The following PALM2AKAP2 variants were observed in gnomAD, a reference collection of about 807,000 sequenced individuals.
PALM2AKAP2 encodes PALM2-AKAP2 fusion protein.
Under a neutral mutation model 71.5 loss-of-function variants are expected in PALM2AKAP2, and 37 were observed. The ratio of observed to expected loss-of-function variants is 0.52; its 90% CI spans 0.40 to 0.68. The LOEUF (loss-of-function observed/expected upper bound fraction) is 0.68, where lower values mean the gene tolerates loss of function less well. Ranked by LOEUF, PALM2AKAP2 falls within the 30% of genes least tolerant of loss-of-function variation. The pLI, the probability that PALM2AKAP2 is intolerant of heterozygous loss-of-function variation, is 0.00. For missense variants in PALM2AKAP2, 1,224 were observed against 1,191.8 expected (o/e 1.03, Z -0.40); for synonymous variants, 468 against 478.8 (o/e 0.98, Z 0.29).
intron 1 of PALM2AKAP2, among the ~76,000 whole-genome samples, chr9:110,097,056 A>T (rs1427827927): frequency 1.4e-4 from 20 of 147,410 alleles, no homozygotes; most frequent in South Asian, 2.2e-4. Flanking sequence ...CAGATAAACA[A>T]GTGAACAAAG....
At chr9:110,081,670 A>G (rs1834451748) in intron 1 of PALM2AKAP2, among the ~76,000 whole-genome samples, 1 of 152,102 alleles carries the variant, frequency 6.6e-6, no homozygotes, top group African/African-American at 2.4e-5. Context: ...GCCAGCCACC[A>G]GGCCTCATGC....
chr9:109,949,164 C>T (rs1223778094), intron 6 of PALM2AKAP2, among the ~76,000 whole-genome samples: 2 of 152,218 alleles, frequency 1.3e-5, no homozygotes, highest in Non-Finnish European at 2.9e-5. Context: ...TCTGTGTTCT[C>T]ATATAAGCCT....
rs147247713 is a variant in PALM2AKAP2 at position 109,827,318 on chromosome 9, A to G, written c.46-40173A>G. Reference sequence around the variant, plus strand: ...TATCAGAATTGTCTGTAGTGCTTCTAAGAATTATGAGTTATGGCCAGACGC... The same window carrying G: ...TATCAGAATTGTCTGTAGTGCTTCTGAGAATTATGAGTTATGGCCAGACGC... On this transcript the variant is annotated intron_variant, in intron 1 of 9. Coordinates refer to the PALM2AKAP2 transcript ENST00000302798. 1.1e-4 allele frequency among the ~76,000 whole-genome samples: 17 copies of G among 152,322 alleles called. No homozygotes were observed. The East Asian group carries it at 2.9e-3, about 26-fold the overall frequency.
chr9:109,656,462 A>G (rs1425418967), intron 1 of PALM2AKAP2, among the ~76,000 whole-genome samples: 1 of 152,192 alleles, frequency 6.6e-6, no homozygotes, highest in Non-Finnish European at 1.5e-5. Context: ...GGTCCCTTCC[A>G]GAGTTTTCAG....
intron 3 of PALM2AKAP2, among the ~76,000 whole-genome samples, chr9:109,903,143 C>G (rs1020763710): frequency 6.6e-6 from 1 of 152,032 alleles, no homozygotes; most frequent in African/African-American, 2.4e-5. Context: ...ACACACATGC[C>G]GGAGAAGCAT....
At chr9:109,767,115 G>A (rs993995116) in intron 1 of PALM2AKAP2, among the ~76,000 whole-genome samples, 2 of 152,216 alleles carry the variant, frequency 1.3e-5, no homozygotes, top group Non-Finnish European at 2.9e-5. Context: ...GAGAAATGCA[G>A]TGATTTTCTC....
At chr9:109,662,322 T>G (rs983744721) in intron 1 of PALM2AKAP2, among the ~76,000 whole-genome samples, 18 of 152,214 alleles carry the variant, frequency 1.2e-4, no homozygotes, top group African/African-American at 4.3e-4. Context: ...ATAGCTCTTA[T>G]TATTTTGAAA....
At chr9:109,930,348 C>T (rs370282561) in intron 5 of PALM2AKAP2, among the ~76,000 whole-genome samples, 220 of 152,248 alleles carry the variant, frequency 1.4e-3, no homozygotes, top group African/African-American at 5.2e-3. Flanking sequence ...GCCTCAGCCC[C>T]TCTAGTAGCT....
At chr9:110,102,841 G>A (rs540390387) in intron 1 of PALM2AKAP2, among the ~76,000 whole-genome samples, 7 of 152,104 alleles carry the variant, frequency 4.6e-5, no homozygotes, top group South Asian at 2.1e-4. Context: ...CTTCCTCCTC[G>A]AGCCCCTTAC....
At chr9:109,688,899 C>G (rs1484118129) in intron 1 of PALM2AKAP2, among the ~76,000 whole-genome samples, 1 of 152,154 alleles carries the variant, frequency 6.6e-6, no homozygotes, top group Non-Finnish European at 1.5e-5. Flanking sequence ...CCGTTGTAAT[C>G]TTTTTGATGC....
At chr9:109,875,532 T>A (rs1036497003) in intron 2 of PALM2AKAP2, among the ~76,000 whole-genome samples, 1 of 152,138 alleles carries the variant, frequency 6.6e-6, no homozygotes, top group African/African-American at 2.4e-5. Context: ...GGGAGTTCTT[T>A]TAGATTATGG....
chr9:109,950,931 C>T (rs1831624224), intron 6 of PALM2AKAP2, among the ~76,000 whole-genome samples: 1 of 152,230 alleles, frequency 6.6e-6, no homozygotes, highest in Non-Finnish European at 1.5e-5. Context: ...TTTGCAATGA[C>T]AGGTCTTGAT....
At chr9:109,763,976 C>T (rs1051108455) in intron 1 of PALM2AKAP2, among the ~76,000 whole-genome samples, 1 of 152,146 alleles carries the variant, frequency 6.6e-6, no homozygotes, top group Non-Finnish European at 1.5e-5. Context: ...ATTACTTCTG[C>T]AAAGACTCTA....
chr9:110,028,543 A>C (rs1312261084), intron 7 of PALM2AKAP2, among the ~76,000 whole-genome samples: 1 of 152,188 alleles, frequency 6.6e-6, no homozygotes, highest in Non-Finnish European at 1.5e-5. Context: ...GTGGCACAGT[A>C]AAGTAACTTA....
chr9:110,166,531 AC>A (rs775694070), intron 3 of PALM2AKAP2, among the ~76,000 whole-genome samples: 121 of 152,338 alleles, frequency 7.9e-4, no homozygotes, highest in Non-Finnish European at 1.6e-3. Context: ...ATTTAACTAT[AC>A]AGATTTGGAA....
chr9:109,977,415 G>T (rs529194556), intron 6 of PALM2AKAP2, among the ~76,000 whole-genome samples: 1 of 152,070 alleles, frequency 6.6e-6, no homozygotes, highest in Non-Finnish European at 1.5e-5. Flanking sequence ...TGACTTGCTC[G>T]ACATGCTAGT....
chr9:109,961,563 T>C (rs1831851848), intron 6 of PALM2AKAP2, among the ~76,000 whole-genome samples: 1 of 152,226 alleles, frequency 6.6e-6, no homozygotes, highest in Admixed American at 6.5e-5. Context: ...TTGCACATGT[T>C]TTACCAGCCT....
At position 110,094,822 on chromosome 9, in the gene PALM2AKAP2, T is replaced by C. The variant is rs541184; in HGVS notation, c.157-41305T>C. Reference sequence around the variant, plus strand: ...TTGCCATGCCTTTGTCTTCTCACTCTTCTGCAAAAAGAGCTTTGGGGTTTA... The same window carrying C: ...TTGCCATGCCTTTGTCTTCTCACTCCTCTGCAAAAAGAGCTTTGGGGTTTA... On this transcript the variant is annotated intron_variant, in intron 1 of 3. Coordinates refer to ENST00000374525, the Ensembl canonical transcript of PALM2AKAP2. 0.015 allele frequency among the ~76,000 whole-genome samples: 2,273 copies of C among 152,276 alleles called. 163 individuals are homozygous for C. The East Asian group carries it at 0.18, about 12-fold the overall frequency.
At chr9:109,930,517 C>T (rs1317337357) in intron 5 of PALM2AKAP2, among the ~76,000 whole-genome samples, 2 of 152,196 alleles carry the variant, frequency 1.3e-5, no homozygotes, top group East Asian at 1.9e-4. Flanking sequence ...TGAGCCACCG[C>T]GCCCGGCGAA....
Sources: gnomAD v4.1 joint callset for allele counts (sites outside exome capture counted in the v4.1 genomes callset) on GRCh38, gnomAD v4.1.1 for gene constraint, MANE v1.5 for transcripts, NCBI Gene and HGNC (gene_info 2026-07-23, HGNC 2026-07-21) for gene names.